S100Z: variants seen among roughly 807,000 people sequenced by gnomAD.
The protein encoded by S100Z is S100 calcium binding protein Z.
S100Z carries 11 observed loss-of-function variants against 8.5 expected under a neutral mutation model. The ratio of observed to expected loss-of-function variants is 1.30; its 90% confidence interval spans 0.82 to 2.15. S100Z has a LOEUF of 2.15. S100Z is among the 30% of genes most tolerant of loss of function. The probability of loss-of-function intolerance (pLI) is 0.00; values close to 1 mark genes in which losing one functional copy is unlikely to be tolerated. For synonymous variants in S100Z, 34 were observed against 43.8 expected (o/e 0.78, Z 0.89); for missense variants, 126 against 117.9 (o/e 1.07, Z -0.32).
At chr5:76,857,753 G>A (rs1451261395) in intron 1 of S100Z, among the ~76,000 whole-genome samples, 1 of 152,032 alleles carries the variant, frequency 6.6e-6, no homozygotes, top group Non-Finnish European at 1.5e-5. Context: ...TGCCTGCCTT[G>A]GTCTCCCAAG....
At chr5:76,930,206 C>G in the S100Z span, among the ~76,000 whole-genome samples, 1 of 152,216 alleles carries the variant, frequency 6.6e-6, no homozygotes, top group Non-Finnish European at 1.5e-5. Context: ...GTCTGTGCTA[C>G]AGAATTATCT....
intron 1 of S100Z, among the ~76,000 whole-genome samples, chr5:76,854,714 G>A (rs1750832086): frequency 6.6e-6 from 1 of 152,328 alleles, no homozygotes; most frequent in South Asian, 2.1e-4. Flanking sequence ...CCCTTTTTCA[G>A]GGGAAGGATT....
the S100Z span, among the ~76,000 whole-genome samples, chr5:76,950,666 A>T: frequency 6.6e-6 from 1 of 152,102 alleles, no homozygotes; most frequent in Non-Finnish European, 1.5e-5. Context: ...ATTTGAAAGT[A>T]ATGGAGGTTA....
chr5:76,895,750 T>G (rs1165999004), intron 4 of S100Z, among the ~76,000 whole-genome samples: 3 of 148,750 alleles, frequency 2.0e-5, no homozygotes, highest in Non-Finnish European at 4.4e-5. Context: ...TTCCCTTTCT[T>G]TCTTTCTTTT....
At chr5:76,889,336 C>G (rs73764767) in intron 4 of S100Z, among the ~76,000 whole-genome samples, 6,350 of 152,200 alleles carry the variant, frequency 0.042, 336 homozygotes, top group East Asian at 0.12. Flanking sequence ...CTCATTGAAG[C>G]CGTATCATTT....
chr5:76,870,679 T>C (rs1157983053), intron 2 of S100Z, among the ~76,000 whole-genome samples: 1 of 152,118 alleles, frequency 6.6e-6, no homozygotes, highest in Non-Finnish European at 1.5e-5. Flanking sequence ...AGAGATGTGG[T>C]CCAGCAGGCT....
chr5:76,889,315 G>C (rs746019058), intron 4 of S100Z, among the ~76,000 whole-genome samples: 13 of 152,004 alleles, frequency 8.6e-5, no homozygotes, highest in Non-Finnish European at 1.8e-4. Context: ...AAGAGCCCTG[G>C]TGTTCGTCCG....
chr5:76,891,763 G>T (rs1271571049), intron 4 of S100Z, among the ~76,000 whole-genome samples: 3 of 152,126 alleles, frequency 2.0e-5, no homozygotes, highest in Non-Finnish European at 4.4e-5. Context: ...TAGACAGAGG[G>T]TGCAGGGGAA....
chr5:76,932,676 C>T, the S100Z span, among the ~76,000 whole-genome samples: 3 of 151,970 alleles, frequency 2.0e-5, no homozygotes, highest in Non-Finnish European at 4.4e-5. Flanking sequence ...TTTGAAACTC[C>T]AGTTAGGGAG....
chr5:76,916,160 C>CAA (rs60866296), intron 4 of S100Z, among the ~76,000 whole-genome samples: 115 of 66,770 alleles, frequency 1.7e-3, no homozygotes, highest in African/African-American at 4.1e-3. Context: ...GACTCCATCT[C>CAA]AAAAAAAAAA....
chr5:76,923,904 A>G (rs140157116), downstream of S100Z, among the ~76,000 whole-genome samples: 740 of 152,284 alleles, frequency 4.9e-3, 6 homozygotes, highest in African/African-American at 0.017. Context: ...AGCAGCCACA[A>G]GGCCTCTCTG....
chr5:76,877,750 A>T lies in S100Z; in HGVS notation c.218A>T (p.Asn73Ile), dbSNP rs1417349096. ...DANKDNEVDF[N>I]EFVVMVAALT... The stretch of plus-strand genomic sequence containing the variant: ...AATAAGGACAACGAAGTGGATTTTA[A>T]TGAATTCGTGGTCATGGTGGCAGCT... The change falls in exon 4 of 5, where the codon AAT (asparagine) becomes ATT (isoleucine). Residue 73 changes from asparagine (N) to isoleucine (I), a missense_variant. Transcript: ENST00000317593. The T allele has an allele frequency of 3.7e-6, 6 of 1,611,720 alleles. No individual in the cohort carries two copies. The highest frequency in any genetic ancestry group is 5.1e-6 in the Non-Finnish European group (6 of 1,177,780).
rs1743904421 is a variant in S100Z at position 76,892,669 on chromosome 5, G to A, written c.*2+14835G>A. On this transcript the variant is annotated intron_variant, in intron 4 of 4. Transcript: ENST00000317593. ...AAAGAAGAAAGAAAAAAAAAGGCAG[G>A]GGCAGGAGAATAAATAAAAGAGGCA... 2.6e-5 allele frequency among the ~76,000 whole-genome samples: 4 copies of A among 151,956 alleles called. No homozygotes were observed. The South Asian group carries it at 8.3e-4, about 31-fold the overall frequency.
chr5:76,941,761 T>A, the S100Z span, among the ~76,000 whole-genome samples: 1 of 151,302 alleles, frequency 6.6e-6, no homozygotes, highest in Admixed American at 6.6e-5. Context: ...GAAGTCACTA[T>A]GTGAAGTGCA....
downstream of S100Z, among the ~76,000 whole-genome samples, chr5:76,923,240 T>C (rs1191049014): frequency 1.1e-4 from 17 of 152,216 alleles, no homozygotes; most frequent in Non-Finnish European, 1.5e-5. Context: ...AGCAGTCTTT[T>C]GTAATTTCCC....
rs758090275 is a variant in S100Z at position 76,877,737 on chromosome 5, G to A, written c.205G>A (p.Glu69Lys). ...VQDLDANKDN[E>K]VDFNEFVVMV... is the part of the protein sequence containing the mutation. ...GGACCTGGATGCCAATAAGGACAAC[G>A]AAGTGGATTTTAATGAATTCGTGGT... is the stretch of plus-strand genomic sequence containing the variant. Residue 69 changes from glutamate (E) to lysine (K), a missense_variant, in exon 4 of 5, where the codon GAA becomes AAA. Glu to Lys is a moderately conservative substitution (Grantham distance 56, BLOSUM62 1). Transcript: ENST00000317593. 55 of 1,611,870 alleles carry A rather than the reference G, an allele frequency of 3.4e-5. No individual in the cohort carries two copies. The highest frequency in any genetic ancestry group is 4.5e-5 in the Non-Finnish European group (53 of 1,178,090).
the S100Z span, among the ~76,000 whole-genome samples, chr5:76,942,597 A>T: frequency 1.3e-5 from 2 of 152,230 alleles, no homozygotes; most frequent in African/African-American, 4.8e-5. Context: ...ACATAATTCC[A>T]ACACCAGCTG....
the S100Z span, among the ~76,000 whole-genome samples, chr5:76,951,845 C>G: frequency 6.6e-6 from 1 of 152,176 alleles, no homozygotes; most frequent in Non-Finnish European, 1.5e-5. Flanking sequence ...ATTAAACCAA[C>G]AAAGAGGCCG....
intron 4 of S100Z, among the ~76,000 whole-genome samples, chr5:76,910,293 G>T: frequency 6.6e-6 from 1 of 152,148 alleles, no homozygotes; most frequent in South Asian, 2.1e-4. Flanking sequence ...GCAGATATCA[G>T]GAGAAAGCTC....
Sources: allele counts gnomAD v4.1 joint callset (sites outside exome capture counted in the v4.1 genomes callset), GRCh38; gene constraint gnomAD v4.1.1; transcripts MANE v1.5; gene names NCBI Gene and HGNC (gene_info 2026-07-23, HGNC 2026-07-21).